Variants in MDFIC2 observed in about 807,000 individuals in gnomAD.
The protein encoded by MDFIC2 is MyoD family inhibitor domain containing 2.
At chr3:70,301,265 T>C (rs1446292903) in intron 2 of MDFIC2, among the ~76,000 whole-genome samples, 1 of 152,120 alleles carries the variant, frequency 6.6e-6, no homozygotes, top group Non-Finnish European at 1.5e-5. Context: ...ACAAAAACAC[T>C]TTTTAAATTT....
intron 2 of MDFIC2, among the ~76,000 whole-genome samples, chr3:70,309,119 G>A (rs1157390035): frequency 1.3e-5 from 2 of 152,104 alleles, no homozygotes; most frequent in African/African-American, 4.8e-5. Context: ...AATTCTGATT[G>A]ATAACTGTTG....
chr3:70,272,491 T>C (rs1227465549), intron 2 of MDFIC2, among the ~76,000 whole-genome samples: 1 of 152,254 alleles, frequency 6.6e-6, no homozygotes, highest in African/African-American at 2.4e-5. Context: ...CAAAATTTGT[T>C]TATCTGTTCT....
intron 2 of MDFIC2, among the ~76,000 whole-genome samples, chr3:70,281,373 A>T (rs1702080742): frequency 6.6e-6 from 1 of 152,128 alleles, no homozygotes; most frequent in South Asian, 2.1e-4. Flanking sequence ...CCTCTGTCTA[A>T]TGGGTACGAT....
intron 2 of MDFIC2, among the ~76,000 whole-genome samples, chr3:70,290,301 C>T (rs930301783): frequency 2.0e-5 from 3 of 151,992 alleles, no homozygotes; most frequent in African/African-American, 7.2e-5. Context: ...AGCTGCAGGT[C>T]TGTTGGAGTA....
intron 2 of MDFIC2, among the ~76,000 whole-genome samples, chr3:70,222,568 A>G (rs980253995): frequency 1.3e-5 from 2 of 152,194 alleles, no homozygotes; most frequent in Non-Finnish European, 2.9e-5. Flanking sequence ...AATAAATTTG[A>G]AGAGACTCAA....
At chr3:70,219,224 G>C (rs769333550) in intron 2 of MDFIC2, among the ~76,000 whole-genome samples, 9 of 152,172 alleles carry the variant, frequency 5.9e-5, no homozygotes, top group Non-Finnish European at 1.3e-4. Context: ...GGGTTTGATA[G>C]TATTGGGAAA....
In MDFIC2 at chr3:70,195,097, C is replaced by A. The variant is rs938879169; in HGVS notation, c.*1829G>T. Among the ~76,000 whole-genome samples, 4 of 152,276 alleles carry A rather than the reference C, an allele frequency of 2.6e-5. No homozygotes were observed. In the South Asian group the frequency reaches 6.2e-4, roughly 24 times the overall value. On this transcript the variant is annotated 3_prime_UTR_variant, in exon 4 of 4. Transcript: ENST00000567252. Reference sequence around the variant, plus strand: ...CCCAAGTTAGAGTTCCTGACACTGCCAATAATTCACTGTGTGGTCTTGAAT... The same window carrying A: ...CCCAAGTTAGAGTTCCTGACACTGCAAATAATTCACTGTGTGGTCTTGAAT...
At chr3:70,278,006 G>A (rs1354110222) in intron 2 of MDFIC2, among the ~76,000 whole-genome samples, 1 of 152,022 alleles carries the variant, frequency 6.6e-6, no homozygotes, top group Non-Finnish European at 1.5e-5. Context: ...TATATACATT[G>A]ATCCGTTTTT....
At position 70,295,444 on chromosome 3, in the gene MDFIC2, C is replaced by G. The variant is rs78946103; in HGVS notation, c.88+16442G>C. Among the ~76,000 whole-genome samples the G allele has an allele frequency of 4.5e-3, 679 of 152,246 alleles. 1 individual carries two copies. The highest frequency in any genetic ancestry group is 0.01 in the Middle Eastern group (3 of 294). On this transcript the variant is annotated intron_variant, in intron 2 of 3. Coordinates refer to ENST00000567252, the MANE Select transcript of MDFIC2 (RefSeq NM_001364677.1). ...AAAGCCCAGACATGGTGGCTTATTACTGTAATCCTAGCACTTTGGGAGGCC... is the reference window on the plus strand; with the variant it reads ...AAAGCCCAGACATGGTGGCTTATTAGTGTAATCCTAGCACTTTGGGAGGCC...
chr3:70,195,163 A>G lies in MDFIC2; in HGVS notation c.*1763T>C, dbSNP rs1275653562. On this transcript the variant is annotated 3_prime_UTR_variant, in exon 4 of 4. Coordinates refer to ENST00000567252, the MANE Select transcript of MDFIC2 (RefSeq NM_001364677.1). ...GCCTCTCTTTTCCCCTGTGAAATAT[A>G]AAAAGGTTGCATAAGAACAGCCTTA... is the stretch of plus-strand genomic sequence containing the variant. Among the ~76,000 whole-genome samples the G allele has an allele frequency of 1.3e-5, 2 of 152,184 alleles. No individual in the cohort carries two copies. The highest frequency in any genetic ancestry group is 2.9e-5 in the Non-Finnish European group (2 of 68,046).
intron 2 of MDFIC2, among the ~76,000 whole-genome samples, chr3:70,261,924 A>G (rs1016671978): frequency 8.5e-5 from 13 of 152,164 alleles, no homozygotes; most frequent in Admixed American, 2.6e-4. Flanking sequence ...CTTACCATAA[A>G]CGGCCAAGTT....
chr3:70,204,953 A>G (rs527631992), intron 3 of MDFIC2: 2 of 152,180 alleles, frequency 1.3e-5, no homozygotes, highest in Admixed American at 1.3e-4. Context: ...TGTAGCATCA[A>G]GATGCTTTTG....
At chr3:70,262,998 T>C (rs1306767808) in intron 2 of MDFIC2, among the ~76,000 whole-genome samples, 2 of 152,226 alleles carry the variant, frequency 1.3e-5, no homozygotes, top group Non-Finnish European at 2.9e-5. Context: ...AGGGAAATTT[T>C]AATTTTAGGT....
chr3:70,237,193 A>G (rs1323011168), intron 2 of MDFIC2, among the ~76,000 whole-genome samples: 1 of 152,198 alleles, frequency 6.6e-6, no homozygotes, highest in Non-Finnish European at 1.5e-5. Flanking sequence ...ATGGGAAGCT[A>G]TATTTTTCCC....
At chr3:70,283,518 G>C (rs1407850399) in intron 2 of MDFIC2, 2 of 152,114 alleles carry the variant, frequency 1.3e-5, no homozygotes, top group Non-Finnish European at 2.9e-5. Context: ...CTCAGAACTA[G>C]ACAGAACTGG....
rs544343626 is a variant in MDFIC2 at position 70,245,862 on chromosome 3, C to T, written c.89-39072G>A. Among the ~76,000 whole-genome samples the T allele has an allele frequency of 3.9e-4, 59 of 150,938 alleles. No homozygotes were observed. The East Asian group carries it at 6.2e-3, about 16-fold the overall frequency. ...TACTGATGGTGTTAAAAACAATCTC[C>T]GCAGAAGAGGGCTGCCATTGCCAAT... On this transcript the variant is annotated intron_variant, in intron 2 of 3. Transcript: ENST00000567252.
chr3:70,216,305 A>T (rs1223667727), intron 2 of MDFIC2, among the ~76,000 whole-genome samples: 1 of 150,366 alleles, frequency 6.7e-6, no homozygotes, highest in African/African-American at 2.4e-5. Context: ...TTAATACTAC[A>T]TATTCTAATT....
At position 70,194,903 on chromosome 3, in the gene MDFIC2, G is replaced by T. The variant is rs2106714542; in HGVS notation, c.*2023C>A. Among the ~76,000 whole-genome samples, 1 of 152,260 alleles carries T rather than the reference G, an allele frequency of 6.6e-6. No individual in the cohort carries two copies. The highest frequency in any genetic ancestry group is 2.4e-5 in the African/African-American group (1 of 41,574). ...CCACGGGTAGAGGGGTGGGTGCTCAGAGAGGAGCCAAGAGGGATGGGACAT... is the reference window on the plus strand; with the variant it reads ...CCACGGGTAGAGGGGTGGGTGCTCATAGAGGAGCCAAGAGGGATGGGACAT... On this transcript the variant is annotated 3_prime_UTR_variant, in exon 4 of 4. Transcript: ENST00000567252.
At position 70,196,022 on chromosome 3, in the gene MDFIC2, C is replaced by T. The variant is rs1701175073; in HGVS notation, c.*904G>A. Among the ~76,000 whole-genome samples, 1 of 152,258 alleles carries T rather than the reference C, an allele frequency of 6.6e-6. No individual in the cohort carries two copies. The highest frequency in any genetic ancestry group is 1.9e-4 in the East Asian group (1 of 5,178). On this transcript the variant is annotated 3_prime_UTR_variant, in exon 4 of 4. Transcript: ENST00000567252. ...AGAAGCTTGGTGCTGAATAAGTACC[C>T]TCAACGCTTATTTCTTTCTGGTGTC... is the stretch of plus-strand genomic sequence containing the variant.
Sources: gnomAD v4.1 joint callset for allele counts (sites outside exome capture counted in the v4.1 genomes callset) on GRCh38, gnomAD v4.1.1 for gene constraint, MANE v1.5 for transcripts, NCBI Gene and HGNC (gene_info 2026-07-23, HGNC 2026-07-21) for gene names.